Variants in ELMO3 observed in about 807,000 individuals in gnomAD.
The protein encoded by ELMO3 is engulfment and cell motility 3.
A neutral mutation model predicts 89.0 loss-of-function variants in ELMO3; 81 were observed. That is an observed-to-expected ratio of 0.91 (90% confidence interval 0.76 to 1.09). The LOEUF (loss-of-function observed/expected upper bound fraction) is 1.09, where lower values mean the gene tolerates loss of function less well. Ranked by LOEUF, ELMO3 falls within the 50% of genes least tolerant of loss-of-function variation. The pLI, the probability that ELMO3 is intolerant of heterozygous loss-of-function variation, is 0.00. For missense variants in ELMO3, 959 were observed against 972.8 expected (o/e 0.99, Z 0.19); for synonymous variants, 406 against 400.6 (o/e 1.01, Z -0.16).
In ELMO3 at chr16:67,200,644, C is replaced by G. The variant is rs772031638; in HGVS notation, c.514-13C>G. The G allele has an allele frequency of 5.0e-6, 8 of 1,610,748 alleles. No individual in the cohort carries two copies. In the East Asian group the frequency reaches 1.8e-4, roughly 36 times the overall value. On this transcript the variant is annotated splice_polypyrimidine_tract_variant and intron_variant, in intron 6 of 19. Transcript: ENST00000393997. ...CCATGGGGGTGAGGTGGTGACACCCCCGCCCCTTACAGGTGGTGTGCTACG... is the reference window on the plus strand; with the variant it reads ...CCATGGGGGTGAGGTGGTGACACCCGCGCCCCTTACAGGTGGTGTGCTACG...
rs536731869 is a variant in ELMO3 at position 67,201,078 on chromosome 16, C to T, written c.744+110C>T. ...TTTTTTTTTTTGAGATGGAGTCTTG[C>T]TCTGTCGCCCAGGCTGGAGTGCAGT... On this transcript the variant is annotated intron_variant, in intron 8 of 19. Coordinates refer to ENST00000393997, the MANE Select transcript of ELMO3 (RefSeq NM_024712.5). The T allele has an allele frequency of 3.1e-4, 374 of 1,211,790 alleles. 1 individual carries two copies. Among genetic ancestry groups the T allele is most frequent in the Non-Finnish European group, 4.0e-4 (362 of 895,940 alleles). 75.1% of individuals were successfully genotyped at this position (1,211,790 alleles called of 1,614,324 possible). A position where few individuals can be genotyped will look rare whatever the true frequency, so the allele number is the denominator to read the frequency against.
rs1453482399 is a variant in ELMO3 at position 67,203,309 on chromosome 16, C to A, written c.1781-18C>A. ...GGCTGCCAGGGCTGCAGTGCTCAGCCCAGCCTTCTTCCTGCAGTCCCTGTG... is the reference window on the plus strand; with the variant it reads ...GGCTGCCAGGGCTGCAGTGCTCAGCACAGCCTTCTTCCTGCAGTCCCTGTG... On this transcript the variant is annotated intron_variant, in intron 17 of 19. Coordinates refer to ENST00000393997, the MANE Select transcript of ELMO3 (RefSeq NM_024712.5). This position sits in a 1 kb window ranked among gnomAD's most constrained non-coding sequence, Gnocchi z 4.6. The A allele has an allele frequency of 5.7e-6, 9 of 1,592,654 alleles. No individual in the cohort carries two copies. Among genetic ancestry groups the A allele is most frequent in the Admixed American group, 5.2e-5 (3 of 57,582 alleles).
intron 1 of ELMO3, 40 bp from the exon 2 acceptor site, chr16:67,199,513 C>T (rs779203448): frequency 3.8e-6 from 6 of 1,583,754 alleles, no homozygotes; most frequent in South Asian, 2.3e-5. Context: ...CTCCCCATCC[C>T]TCCCTGCCCA....
rs1342229776 is a variant in ELMO3, at chr16:67,203,892, AT to A, written c.*16del. ...CTGAACCTTGACAGTGTGGCTGGCC[AT>A]GGGCCACAGCTGCGGCCACTGCAGC... is the stretch of plus-strand genomic sequence containing the variant. On this transcript the variant is annotated 3_prime_UTR_variant, in exon 20 of 20. Transcript: ENST00000393997. This position sits in a 1 kb window ranked among gnomAD's most constrained non-coding sequence, Gnocchi z 4.6. 1.3e-6 allele frequency: 2 copies of A among 1,529,960 alleles called. No individual in the cohort carries two copies. Among genetic ancestry groups the A allele is most frequent in the African/African-American group, 2.7e-5 (2 of 73,296 alleles). The allele number at this position is 1,529,960 out of a possible 1,614,324, so 94.8% of individuals were successfully genotyped here.
In ELMO3 at chr16:67,199,610, C is replaced by T. The variant is rs772986089; in HGVS notation, c.119+17C>T. The T allele has an allele frequency of 6.2e-7, 1 of 1,609,168 alleles. No individual in the cohort carries two copies. Among genetic ancestry groups the T allele is most frequent in the South Asian group, 1.1e-5 (1 of 90,826 alleles). The stretch of plus-strand genomic sequence containing the variant: ...GTGCGACGCGTGAGTGCTGCCGGGC[C>T]AGGGCCTGCGGAGGGCGGGAGGGCA... On this transcript the variant is annotated intron_variant, in intron 2 of 19. Coordinates refer to ENST00000393997, the MANE Select transcript of ELMO3 (RefSeq NM_024712.5).
At position 67,200,373 on chromosome 16, in the gene ELMO3, G is replaced by T. The variant is rs780370445; in HGVS notation, c.413+12G>T. 1.7e-5 allele frequency: 28 copies of T among 1,613,422 alleles called. No individual in the cohort carries two copies. The South Asian group carries it at 3.0e-4, about 17-fold the overall frequency. On this transcript the variant is annotated intron_variant, in intron 5 of 19. Transcript: ENST00000393997. ...GAAGATGGGGACGAGTGAGCACAGG[G>T]ATGTGTGGGCTGGGGGAGATGGTGG...
chr16:67,202,115 C>A (rs776692880), intron 12 of ELMO3, 37 bp downstream of exon 12: 3 of 1,610,038 alleles, frequency 1.9e-6, no homozygotes, highest in Admixed American at 1.7e-5. Flanking sequence ...TGGCAGCATC[C>A]CCCAGGCAGG....
rs1405692859 is a variant in ELMO3 at position 67,201,531 on chromosome 16, C to T, written c.807C>T (p.His269=). 3 of 1,613,996 alleles carry T rather than the reference C, an allele frequency of 1.9e-6. No individual in the cohort carries two copies. The highest frequency in any genetic ancestry group is 2.7e-5 in the African/African-American group (2 of 74,940). Residue 269 remains histidine, a synonymous_variant, in exon 10 of 20, where the codon CAC becomes CAT. Coordinates refer to ENST00000393997, the MANE Select transcript of ELMO3 (RefSeq NM_024712.5). The part of the protein sequence containing the change: ...LRQFIYKNII[H]SAAPMGDEMA... ...TGGCTGTCCTGCAGAACATCATCCACAGTGCAGCACCAATGGGCGACGAGA... is the reference window on the plus strand; with the variant it reads ...TGGCTGTCCTGCAGAACATCATCCATAGTGCAGCACCAATGGGCGACGAGA...
At position 67,202,676 on chromosome 16, in the gene ELMO3, C is replaced by G. The variant is rs774445352; in HGVS notation, c.1448C>G (p.Pro483Arg). 10 of 1,613,560 alleles carry G rather than the reference C, an allele frequency of 6.2e-6. No individual in the cohort carries two copies. The highest frequency in any genetic ancestry group is 8.5e-6 in the Non-Finnish European group (10 of 1,179,992). Residue 483 changes from proline to arginine, a missense_variant, in exon 15 of 20, where the codon CCC becomes CGC. Pro to Arg is a moderately radical substitution (Grantham distance 103). Coordinates refer to ENST00000393997, the MANE Select transcript of ELMO3 (RefSeq NM_024712.5). The stretch of plus-strand genomic sequence containing the variant: ...CTGGCCCGCACTCTGGCCCTGAAGC[C>G]CACTTCCCTGGAGCTCTTCCGAACC... ...EQLARTLALK[P>R]TSLELFRTKV...
At position 67,203,148 on chromosome 16, in the gene ELMO3, A is replaced by G; in HGVS notation, c.1705A>G (p.Asn569Asp). 1 of 1,612,284 alleles carries G rather than the reference A, an allele frequency of 6.2e-7. No homozygotes were observed. Among genetic ancestry groups the G allele is most frequent in the Non-Finnish European group, 8.5e-7 (1 of 1,179,702 alleles). The change falls in exon 17 of 20, where the codon AAC (asparagine) becomes GAC (aspartate). Residue 569 changes from asparagine (N) to aspartate (D), a missense_variant. Asn to Asp is a conservative substitution (Grantham distance 23, BLOSUM62 1). Coordinates refer to ENST00000393997, the MANE Select transcript of ELMO3 (RefSeq NM_024712.5). The surrounding 1 kb of genome is among the most constrained non-coding windows in gnomAD (Gnocchi z 4.6). ...GCTGTGGTTCTGCTGCCTGTCCCCC[A>G]ACCACAAGCTGCTGCAGTACGGAGA... Reference protein sequence around the residue: ...DKLWFCCLSPNHKLLQYGDME... With the variant: ...DKLWFCCLSPDHKLLQYGDME...
Position 67,203,463 on chromosome 16 carries a change from C to G in ELMO3, c.1864-34C>G. ...CCACCCGCCCCCGCCTACCCTGTCCCCTGCTCAGTGTCCCCGCTCCCTTGC... is the reference window on the plus strand; with the variant it reads ...CCACCCGCCCCCGCCTACCCTGTCCGCTGCTCAGTGTCCCCGCTCCCTTGC... On this transcript the variant is annotated intron_variant, in intron 18 of 19. Transcript: ENST00000393997. This position sits in a 1 kb window ranked among gnomAD's most constrained non-coding sequence, Gnocchi z 4.6. 6.2e-7 allele frequency: 1 copy of G among 1,613,510 alleles called. No homozygotes were observed. Among genetic ancestry groups the G allele is most frequent in the South Asian group, 1.1e-5 (1 of 91,058 alleles).
chr16:67,202,600 C>T (rs1370897810), intron 14 of ELMO3, 27 bp from the exon 15 acceptor site: 1 of 1,612,966 alleles, frequency 6.2e-7, no homozygotes, highest in Non-Finnish European at 8.5e-7. Context: ...AGAGCTTAGG[C>T]CCTGAGCTGA....
chr16:67,200,494 C>G lies in ELMO3; in HGVS notation c.457C>G (p.Leu153Val). ...LALSLRAFSE[L>V]MEHGVVSWET... The stretch of plus-strand genomic sequence containing the variant: ...CCTCAGCCTGAGGGCCTTCTCAGAG[C>G]TCATGGAGCACGGCGTGGTGTCCTG... The change falls in exon 6 of 20, where the codon CTC becomes GTC. Residue 153 changes from leucine (L) to valine (V), a missense_variant. By Grantham distance (32) the Leu-to-Val change is conservative. Transcript: ENST00000393997. 1 of 1,613,748 alleles carries G rather than the reference C, an allele frequency of 6.2e-7. No homozygotes were observed. Among genetic ancestry groups the G allele is most frequent in the Non-Finnish European group, 8.5e-7 (1 of 1,179,960 alleles).
rs1467594996 is a variant in ELMO3 at position 67,201,889 on chromosome 16, A to G, written c.1050+16A>G. 1 of 1,602,612 alleles carries G rather than the reference A, an allele frequency of 6.2e-7. No individual in the cohort carries two copies. The highest frequency in any genetic ancestry group is 1.3e-5 in the African/African-American group (1 of 74,856). ...GGGCTTTTCTGTGAGTATCACCCCT[A>G]CCCAACTCCCCACCCCTGCCTCAGC... On this transcript the variant is annotated intron_variant, in intron 11 of 19. Coordinates refer to ENST00000393997, the MANE Select transcript of ELMO3 (RefSeq NM_024712.5).
Position 67,202,697 on chromosome 16 carries a change from G to A in ELMO3, c.1469G>A (p.Arg490Gln), listed in dbSNP as rs773477156. ...ALKPTSLELFRTKVNALTYGE... is the reference protein window; with the variant it reads ...ALKPTSLELFQTKVNALTYGE... ...AAGCCCACTTCCCTGGAGCTCTTCC[G>A]AACCAAGGTGAATGCGCTCACTTAT... The change falls in exon 15 of 20, where the codon CGA becomes CAA. Residue 490 changes from arginine to glutamine, a missense_variant. Coordinates refer to ENST00000393997, the MANE Select transcript of ELMO3 (RefSeq NM_024712.5). The A allele has an allele frequency of 5.0e-6, 8 of 1,613,732 alleles. No homozygotes were observed. The highest frequency in any genetic ancestry group is 1.7e-5 in the Admixed American group (1 of 60,018).
At chr16:67,199,807 C>T (rs537661862) in intron 3 of ELMO3, 51 bp downstream of exon 3, 14 of 1,604,182 alleles carry the variant, frequency 8.7e-6, no homozygotes, top group African/African-American at 2.7e-5. Context: ...CCCTCTAACC[C>T]ACCTGGCCCC....
At position 67,200,461 on chromosome 16, in the gene ELMO3, G is replaced by T. The variant is rs553420551; in HGVS notation, c.424G>T (p.Val142Leu). ...IIEDGDDLGE[V>L]LALSLRAFSE... ...ATGTCCCCCCTCCAGCCTAGGAGAGGTGCTGGCCCTCAGCCTGAGGGCCTT... is the reference window on the plus strand; with the variant it reads ...ATGTCCCCCCTCCAGCCTAGGAGAGTTGCTGGCCCTCAGCCTGAGGGCCTT... The change falls in exon 6 of 20, where the codon GTG (valine) becomes TTG (leucine). Residue 142 changes from valine to leucine, a missense_variant. By Grantham distance (32) the Val-to-Leu change is conservative. Coordinates refer to ENST00000393997, the MANE Select transcript of ELMO3 (RefSeq NM_024712.5). 4.6e-5 allele frequency: 75 copies of T among 1,613,322 alleles called. No homozygotes were observed. In the South Asian group the frequency reaches 7.7e-4, roughly 17 times the overall value.
chr16:67,199,245 C>G lies in ELMO3; in HGVS notation c.-82C>G, dbSNP rs746269056. 14 of 1,611,320 alleles carry G rather than the reference C, an allele frequency of 8.7e-6. No homozygotes were observed. The highest frequency in any genetic ancestry group is 1.2e-5 in the Non-Finnish European group (14 of 1,179,476). On this transcript the variant is annotated 5_prime_UTR_variant, in exon 1 of 20. Coordinates refer to ENST00000393997, the MANE Select transcript of ELMO3 (RefSeq NM_024712.5). ...TCGGAAAGGGAGGACCTCCTCGTCC[C>G]CAGGGGCCCCAGGCCAGGTGCACCC...
At chr16:67,199,617 T>C (rs990484331) in intron 2 of ELMO3, 24 bp downstream of exon 2, 3 of 1,608,374 alleles carry the variant, frequency 1.9e-6, no homozygotes, top group South Asian at 1.1e-5. Context: ...GGCCAGGGCC[T>C]GCGGAGGGCG....
Sources: allele counts gnomAD v4.1 joint callset, GRCh38; gene constraint gnomAD v4.1.1; non-coding constraint Gnocchi (gnomAD v3.1); transcripts MANE v1.5; gene names NCBI Gene and HGNC (gene_info 2026-07-23, HGNC 2026-07-21).